Variants in SHTN1 observed in about 807,000 individuals in gnomAD.
The protein encoded by SHTN1 is shootin 1.
In SHTN1, 42 loss-of-function variants were observed where a neutral mutation model predicts 83.1. The observed-to-expected ratio is 0.51, with a 90% CI of 0.39 to 0.65. The LOEUF (loss-of-function observed/expected upper bound fraction) is 0.65. Ranked by LOEUF, SHTN1 falls within the 30% of genes least tolerant of loss-of-function variation. The probability of loss-of-function intolerance (pLI) is 0.00; values close to 1 mark genes in which losing one functional copy is unlikely to be tolerated. For missense variants in SHTN1, 622 were observed against 737.8 expected (o/e 0.84, Z 1.82); for synonymous variants, 224 against 247.7 (o/e 0.90, Z 0.90).
intron 1 of SHTN1, among the ~76,000 whole-genome samples, chr10:117,076,576 A>T (rs1853157904): frequency 6.6e-6 from 1 of 152,204 alleles, no homozygotes; most frequent in South Asian, 2.1e-4. Flanking sequence ...CCATAATTCC[A>T]TATAAAGTCA....
intron 16 of SHTN1, among the ~76,000 whole-genome samples, chr10:116,898,324 TAA>T (rs76622436): frequency 5.8e-5 from 8 of 138,622 alleles, no homozygotes; most frequent in Non-Finnish European, 7.9e-5. Flanking sequence ...AGACTACATC[TAA>T]AAAAAAAAAA....
At chr10:116,888,452 C>T (rs571489331) in intron 16 of SHTN1, among the ~76,000 whole-genome samples, 96 of 152,348 alleles carry the variant, frequency 6.3e-4, no homozygotes, top group African/African-American at 2.2e-3. Context: ...TCTGCTGCTT[C>T]TGCGTCTGAC....
chr10:116,946,384 T>C (rs1443235130), intron 7 of SHTN1, among the ~76,000 whole-genome samples: 4 of 147,112 alleles, frequency 2.7e-5, no homozygotes, highest in Non-Finnish European at 4.5e-5. Context: ...CCTGAATATA[T>C]ACATTTTTAT....
intron 1 of SHTN1, among the ~76,000 whole-genome samples, chr10:117,101,980 T>A (rs1853600332): frequency 3.4e-5 from 5 of 145,336 alleles, no homozygotes. Flanking sequence ...AGTAAAGCCA[T>A]CAGTTGGGAA....
At chr10:116,983,676 ATAGATAGATAAATACATACATACATAC>A (rs1564913629) in intron 1 of SHTN1, among the ~76,000 whole-genome samples, 34 of 63,108 alleles carry the variant, frequency 5.4e-4, no homozygotes, top group African/African-American at 8.0e-4. Context: ...AGATAGATAG[ATAGATAGATAAATACATACATACATAC>A]ATACATACAT....
chr10:116,945,071 C>A, intron 7 of SHTN1, 53 bp from the exon 8 acceptor site: 1 of 1,057,422 alleles, frequency 9.5e-7, no homozygotes, highest in Non-Finnish European at 1.4e-6. Context: ...CACAAATAAT[C>A]AGGAATATGG....
At chr10:117,097,243 G>C (rs1283060897) in intron 1 of SHTN1, among the ~76,000 whole-genome samples, 1 of 152,186 alleles carries the variant, frequency 6.6e-6, no homozygotes, top group Non-Finnish European at 1.5e-5. Context: ...ATGAAAATCA[G>C]ATTCCCACTC....
At chr10:117,050,675 G>A (rs1360311961) in intron 1 of SHTN1, among the ~76,000 whole-genome samples, 1 of 151,760 alleles carries the variant, frequency 6.6e-6, no homozygotes, top group South Asian at 2.1e-4. Context: ...CAACAAAATG[G>A]ACAAACCTTA....
At chr10:117,126,254 T>G (rs903079400) in intron 1 of SHTN1, 1 of 154,816 alleles carries the variant, frequency 6.5e-6, no homozygotes, top group African/African-American at 2.4e-5. Flanking sequence ...GGAGCCGGAC[T>G]CAGCGTGGGT....
intron 1 of SHTN1, among the ~76,000 whole-genome samples, chr10:116,981,995 T>C (rs1335062403): frequency 6.6e-6 from 1 of 152,054 alleles, no homozygotes; most frequent in African/African-American, 2.4e-5. Context: ...GAGGCAGAGG[T>C]TGCAGTGAGC....
chr10:116,928,984 C>G (rs1450807478), intron 10 of SHTN1, among the ~76,000 whole-genome samples: 1 of 152,108 alleles, frequency 6.6e-6, no homozygotes, highest in African/African-American at 2.4e-5. Context: ...CTACAGGCTA[C>G]TCTGATATTC....
Position 117,025,929 on chromosome 10 carries a change from C to T in SHTN1, c.-123+22516G>A, listed in dbSNP as rs117811056. 1.2e-3 allele frequency among the ~76,000 whole-genome samples: 177 copies of T among 152,288 alleles called. 5 individuals are homozygous for T. In the East Asian group the frequency reaches 0.029, roughly 25 times the overall value. ...CAGCAGCAATACCCAGATACTATGT[C>T]GAGGGCCTTGGGTGAGACTCTGAGA... On this transcript the variant is annotated intron_variant, in intron 2 of 17. Transcript: ENST00000392901.
intron 2 of SHTN1, among the ~76,000 whole-genome samples, chr10:117,045,575 C>T (rs1255152718): frequency 6.6e-6 from 1 of 152,164 alleles, no homozygotes; most frequent in Non-Finnish European, 1.5e-5. Flanking sequence ...AAAACAAGGA[C>T]ACTAGAAGAA....
At chr10:116,930,127 C>T in intron 9 of SHTN1, 125 bp from the exon 10 acceptor site, 1 of 555,608 alleles carries the variant, frequency 1.8e-6, no homozygotes, top group Non-Finnish European at 3.0e-6. Flanking sequence ...TCCAATCCAT[C>T]TTAACAACCA....
rs112324481 is a variant in SHTN1 at position 116,918,653 on chromosome 10, T to A, written c.1195+2781A>T. On this transcript the variant is annotated intron_variant, in intron 12 of 16. Coordinates refer to ENST00000355371, the MANE Select transcript of SHTN1 (RefSeq NM_001127211.3). ...CAAAGGATGGCTAGTACCTTTTCCATGTTTTTCCATGCTAACATTTTGAGT... is the reference window on the plus strand; with the variant it reads ...CAAAGGATGGCTAGTACCTTTTCCAAGTTTTTCCATGCTAACATTTTGAGT... 3.1e-3 allele frequency among the ~76,000 whole-genome samples: 476 copies of A among 152,338 alleles called. 1 individual carries two copies. Among genetic ancestry groups the A allele is most frequent in the Non-Finnish European group, 3.8e-3 (258 of 68,006 alleles).
intron 12 of SHTN1, among the ~76,000 whole-genome samples, chr10:116,920,678 GC>G (rs912510040): frequency 3.3e-5 from 5 of 151,994 alleles, no homozygotes; most frequent in African/African-American, 1.2e-4. Context: ...TAGGAGAAAT[GC>G]CAGAACCTTG....
At chr10:117,087,576 AATC>A (rs1423838975) in intron 1 of SHTN1, among the ~76,000 whole-genome samples, 2 of 152,234 alleles carry the variant, frequency 1.3e-5, no homozygotes, top group Non-Finnish European at 2.9e-5. Context: ...CATACATAGA[AATC>A]AACAAAAAGT....
intron 2 of SHTN1, chr10:116,974,119 C>T: frequency 9.3e-7 from 1 of 1,078,334 alleles, no homozygotes; most frequent in Non-Finnish European, 1.1e-6. Flanking sequence ...GAAGTGGTAG[C>T]TGCCCTCAAA....
chr10:116,894,018 C>G (rs2133308776), intron 16 of SHTN1, among the ~76,000 whole-genome samples: 1 of 152,050 alleles, frequency 6.6e-6, no homozygotes, highest in African/African-American at 2.4e-5. Context: ...AATGAAGAGA[C>G]CAGTTAGAGG....
Sources: allele counts gnomAD v4.1 joint callset (sites outside exome capture counted in the v4.1 genomes callset), GRCh38; gene constraint gnomAD v4.1.1; transcripts MANE v1.5; gene names NCBI Gene and HGNC (gene_info 2026-07-23, HGNC 2026-07-21).